The following SMOC1 variants were observed in gnomAD, a reference collection of about 807,000 sequenced individuals.
SMOC1 encodes SPARC related modular calcium binding 1.
SMOC1 carries 22 observed loss-of-function variants against 56.3 expected under a neutral mutation model. The observed-to-expected ratio is 0.39, with a 90% CI of 0.28 to 0.56. SMOC1 has a LOEUF of 0.56. Among genes scored for constraint, SMOC1 ranks in the 20% least tolerant of loss-of-function variants. The pLI, the probability that SMOC1 is intolerant of heterozygous loss-of-function variation, is 0.61. For missense variants in SMOC1, 509 were observed against 565.4 expected (o/e 0.90, Z 1.01); for synonymous variants, 193 against 215.0 (o/e 0.90, Z 0.89).
chr14:70,019,522 A>G (rs1242574056), intron 10 of SMOC1, among the ~76,000 whole-genome samples: 1 of 152,146 alleles, frequency 6.6e-6, no homozygotes, highest in Non-Finnish European at 1.5e-5. Flanking sequence ...TTGCCTGATG[A>G]CCAGCTTTGA....
At chr14:70,024,467 G>A (rs1885851188) in intron 11 of SMOC1, among the ~76,000 whole-genome samples, 1 of 151,842 alleles carries the variant, frequency 6.6e-6, no homozygotes, top group African/African-American at 2.4e-5. Flanking sequence ...TATATAAGAG[G>A]GACCGTATAT....
chr14:69,942,297 G>GCACCA (rs1882594889), intron 1 of SMOC1, among the ~76,000 whole-genome samples: 1 of 152,070 alleles, frequency 6.6e-6, no homozygotes, highest in Non-Finnish European at 1.5e-5. Flanking sequence ...ATTAAAGGGG[G>GCACCA]TGGGCAGAGA....
intron 7 of SMOC1, among the ~76,000 whole-genome samples, chr14:70,002,481 G>T (rs767951725): frequency 1.3e-5 from 2 of 152,128 alleles, no homozygotes; most frequent in African/African-American, 4.8e-5. Context: ...TGGGCCAGTT[G>T]TCTACCCTCT....
chr14:69,887,363 G>T (rs1029722505), intron 1 of SMOC1, among the ~76,000 whole-genome samples: 1 of 152,190 alleles, frequency 6.6e-6, no homozygotes, highest in Non-Finnish European at 1.5e-5. Context: ...CAGGGGGATA[G>T]GATGGGTAAA....
chr14:70,018,709 A>G (rs556801678), intron 10 of SMOC1, among the ~76,000 whole-genome samples: 141 of 152,164 alleles, frequency 9.3e-4, no homozygotes, highest in Admixed American at 2.0e-3. Context: ...CCCCCAGGGA[A>G]AGTCAACTTT....
At chr14:69,937,299 A>C (rs1326126304) in intron 1 of SMOC1, among the ~76,000 whole-genome samples, 2 of 152,202 alleles carry the variant, frequency 1.3e-5, no homozygotes, top group African/African-American at 2.4e-5. Flanking sequence ...TCTGACCTTA[A>C]GGGTTATAAA....
At chr14:69,909,509 T>C (rs766962131) in intron 1 of SMOC1, among the ~76,000 whole-genome samples, 6 of 152,192 alleles carry the variant, frequency 3.9e-5, no homozygotes, top group Non-Finnish European at 7.3e-5. Context: ...AAGTTTGGCA[T>C]GGCCAGGAAA....
chr14:69,961,262 A>G (rs1470591746), intron 3 of SMOC1, among the ~76,000 whole-genome samples: 1 of 110,136 alleles, frequency 9.1e-6, no homozygotes, highest in Non-Finnish European at 1.8e-5. Context: ...GTCAAGCAAT[A>G]TTCTATTGTG....
intron 11 of SMOC1, among the ~76,000 whole-genome samples, chr14:70,029,992 C>A (rs1416358205): frequency 6.6e-6 from 1 of 152,156 alleles, no homozygotes; most frequent in Non-Finnish European, 1.5e-5. Context: ...TCTCCAATGC[C>A]AGACTTATTT....
At chr14:69,944,273 C>T (rs573923427) in intron 1 of SMOC1, among the ~76,000 whole-genome samples, 60 of 152,158 alleles carry the variant, frequency 3.9e-4, no homozygotes, top group Non-Finnish European at 6.9e-4. Context: ...ACAGGGATCC[C>T]GACCTGTTTT....
At chr14:69,951,980 A>C (rs1883012331) in intron 1 of SMOC1, among the ~76,000 whole-genome samples, 158 bp from the exon 2 acceptor site, 1 of 152,216 alleles carries the variant, frequency 6.6e-6, no homozygotes, top group African/African-American at 2.4e-5. Context: ...TTCCTTGGTT[A>C]GACTTTGTGG....
At chr14:69,964,055 A>C (rs535015761) in intron 3 of SMOC1, among the ~76,000 whole-genome samples, 1 of 152,104 alleles carries the variant, frequency 6.6e-6, no homozygotes, top group African/African-American at 2.4e-5. Flanking sequence ...CTGCTCTTCA[A>C]TGGCTGTTTT....
At chr14:70,015,639 A>G (rs979302979) in intron 10 of SMOC1, among the ~76,000 whole-genome samples, 2 of 151,992 alleles carry the variant, frequency 1.3e-5, no homozygotes, top group African/African-American at 4.8e-5. Context: ...CTCCTCCAGG[A>G]GGAGCACAGC....
intron 1 of SMOC1, among the ~76,000 whole-genome samples, chr14:69,907,966 A>C (rs1884454211): frequency 6.6e-6 from 1 of 152,194 alleles, no homozygotes; most frequent in Non-Finnish European, 1.5e-5. Flanking sequence ...ATCACCTCCC[A>C]AAGGCCTCCT....
At chr14:69,908,224 C>A (rs547009490) in intron 1 of SMOC1, among the ~76,000 whole-genome samples, 5 of 152,234 alleles carry the variant, frequency 3.3e-5, no homozygotes, top group African/African-American at 1.2e-4. Flanking sequence ...GAGTACACAC[C>A]AAAACGTTGA....
chr14:69,993,091 A>G (rs1884621870), intron 6 of SMOC1, among the ~76,000 whole-genome samples: 1 of 152,194 alleles, frequency 6.6e-6, no homozygotes. Flanking sequence ...GGGTGCTGGC[A>G]TGGACAAGAG....
At chr14:69,913,112 G>T (rs192453861) in intron 1 of SMOC1, among the ~76,000 whole-genome samples, 6 of 152,332 alleles carry the variant, frequency 3.9e-5, no homozygotes, top group Non-Finnish European at 5.9e-5. Flanking sequence ...GCCAGTGAGT[G>T]TGGGGGCAAA....
chr14:69,914,811 A>G (rs1470776355), intron 1 of SMOC1, among the ~76,000 whole-genome samples: 1 of 152,142 alleles, frequency 6.6e-6, no homozygotes, highest in African/African-American at 2.4e-5. Flanking sequence ...TAGTCCATTC[A>G]TGCTTCTGGT....
At chr14:69,911,507 T>C (rs1884555577) in intron 1 of SMOC1, among the ~76,000 whole-genome samples, 1 of 152,220 alleles carries the variant, frequency 6.6e-6, no homozygotes, top group African/African-American at 2.4e-5. Flanking sequence ...TGTTTGCTCC[T>C]TTTCATTGAC....
Sources: gnomAD v4.1 joint callset for allele counts (sites outside exome capture counted in the v4.1 genomes callset) on GRCh38, gnomAD v4.1.1 for gene constraint, MANE v1.5 for transcripts, NCBI Gene and HGNC (gene_info 2026-07-23, HGNC 2026-07-21) for gene names.